RBFOX1: variants seen among roughly 807,000 people sequenced by gnomAD.
RBFOX1 encodes the protein RNA binding fox-1 homolog 1, also known as RNA binding protein fox-1 homolog 1.
Under a neutral mutation model 57.7 loss-of-function variants are expected in RBFOX1, and 8 were observed. That is an observed-to-expected ratio of 0.14 (90% CI 0.08 to 0.25). The LOEUF is 0.25. Ranked by LOEUF, RBFOX1 falls within the 10% of genes least tolerant of loss-of-function variation. RBFOX1 has a pLI of 1.00. For missense variants in RBFOX1, 611 were observed against 548.5 expected, an observed-to-expected ratio of 1.11 and a Z score of -1.14; for synonymous variants, 326 against 222.4, an observed-to-expected ratio of 1.47 and a Z score of -4.15.
At chr16:7,046,960 C>T (rs778351662) in intron 3 of RBFOX1, among the ~76,000 whole-genome samples, 2 of 151,656 alleles carry the variant, frequency 1.3e-5, no homozygotes, top group Admixed American at 6.6e-5. Context: ...GCTCTTCATG[C>T]ACTTCCCTCC....
At chr16:7,025,503 C>G (rs1321480962) in intron 3 of RBFOX1, among the ~76,000 whole-genome samples, 1 of 152,138 alleles carries the variant, frequency 6.6e-6, no homozygotes, top group East Asian at 1.9e-4. Flanking sequence ...TACCCAGCCC[C>G]TATGGAAGAT....
At chr16:5,993,376 TGTGTGTGTGA>T (rs1296710697) in intron 4 of RBFOX1, among the ~76,000 whole-genome samples, 2 of 29,248 alleles carry the variant, frequency 6.8e-5, no homozygotes, top group African/African-American at 2.3e-4. Flanking sequence ...TGTGTGTGTG[TGTGTGTGTGA>T]GAGAGAGAGA....
At chr16:5,431,836 A>G (rs965091818) in intron 1 of RBFOX1, among the ~76,000 whole-genome samples, 40 of 152,054 alleles carry the variant, frequency 2.6e-4, no homozygotes, top group African/African-American at 8.9e-4. Context: ...TTGTCCCCCT[A>G]ACATCCAAAA....
At chr16:5,303,321 C>A (rs1212586465) in intron 1 of RBFOX1, among the ~76,000 whole-genome samples, 2 of 152,196 alleles carry the variant, frequency 1.3e-5, no homozygotes, top group African/African-American at 2.4e-5. Context: ...ATGAGCTGCA[C>A]AGGCAGAGGA....
chr16:6,398,882 CTCTG>C (rs772456422), intron 2 of RBFOX1, among the ~76,000 whole-genome samples: 7 of 152,224 alleles, frequency 4.6e-5, no homozygotes, highest in Non-Finnish European at 1.0e-4. Context: ...TCCAGTGGGA[CTCTG>C]TCTGGGGGCT....
chr16:6,254,475 G>A (rs1314344819), intron 1 of RBFOX1, among the ~76,000 whole-genome samples: 1 of 152,160 alleles, frequency 6.6e-6, no homozygotes, highest in Non-Finnish European at 1.5e-5. Context: ...GAGTGCTTAA[G>A]GATATGGGAT....
At chr16:6,701,043 G>T (rs967748457) in intron 3 of RBFOX1, among the ~76,000 whole-genome samples, 58 of 151,034 alleles carry the variant, frequency 3.8e-4, no homozygotes, top group Non-Finnish European at 8.0e-4. Context: ...AGAGGGGGGG[G>T]TGAGTCAGAC....
intron 4 of RBFOX1, among the ~76,000 whole-genome samples, chr16:7,329,389 TTGCCATGAACCATG>T (rs1272041139): frequency 6.6e-6 from 1 of 152,142 alleles, no homozygotes; most frequent in Non-Finnish European, 1.5e-5. Context: ...AGCCCGACAT[TTGCCATGAACCATG>T]TGCACTGCCA....
chr16:6,637,274 A>G lies in RBFOX1; in HGVS notation c.-63-17329A>G, dbSNP rs868383942. Among the ~76,000 whole-genome samples the G allele has an allele frequency of 7.5e-3, 421 of 55,896 alleles. 65 individuals carry two copies. Among genetic ancestry groups the G allele is most frequent in the African/African-American group, 0.026 (265 of 10,124 alleles). The allele number at this position is 55,896 out of a possible 152,430, so 36.7% of individuals were successfully genotyped here. ...ATTATATAATATACAAATATATATT[A>G]TATATTATATATAATATATAATATA... On this transcript the variant is annotated intron_variant, in intron 2 of 15. Transcript: ENST00000550418.
At chr16:6,369,172 G>A (rs532870655) in intron 2 of RBFOX1, among the ~76,000 whole-genome samples, 2 of 152,244 alleles carry the variant, frequency 1.3e-5, no homozygotes, top group African/African-American at 4.8e-5. Flanking sequence ...ACTAACTTGG[G>A]CATAGGAAGC....
At chr16:6,812,477 G>C (rs747414831) in intron 3 of RBFOX1, among the ~76,000 whole-genome samples, 12 of 152,064 alleles carry the variant, frequency 7.9e-5, no homozygotes, top group Non-Finnish European at 1.5e-4. Flanking sequence ...GGGTTCAAGT[G>C]ATTCTCTTGC....
intron 3 of RBFOX1, among the ~76,000 whole-genome samples, chr16:6,693,222 A>G (rs368162741): frequency 6.7e-6 from 1 of 149,560 alleles, no homozygotes; most frequent in African/African-American, 2.5e-5. Context: ...CATCACCGTC[A>G]TCCTCCTCCA....
intron 2 of RBFOX1, among the ~76,000 whole-genome samples, chr16:6,616,729 C>G (rs1324662003): frequency 1.3e-5 from 2 of 152,136 alleles, no homozygotes; most frequent in East Asian, 3.9e-4. Context: ...GCCACCATGC[C>G]CGGCAATAAG....
At chr16:5,926,992 G>A (rs145495323) in intron 4 of RBFOX1, among the ~76,000 whole-genome samples, 2 of 152,140 alleles carry the variant, frequency 1.3e-5, no homozygotes, top group African/African-American at 4.8e-5. Context: ...CATCAAACCA[G>A]TGTCCCAAAA....
At chr16:6,711,762 C>T (rs530747506) in intron 3 of RBFOX1, among the ~76,000 whole-genome samples, 1 of 152,304 alleles carries the variant, frequency 6.6e-6, no homozygotes, top group South Asian at 2.1e-4. Context: ...CCTGTCTCAC[C>T]ACTCTCATTC....
At chr16:5,757,481 C>T (rs531460775) in intron 3 of RBFOX1, among the ~76,000 whole-genome samples, 1 of 152,210 alleles carries the variant, frequency 6.6e-6, no homozygotes, top group South Asian at 2.1e-4. Flanking sequence ...CTGCCCTCCT[C>T]AGCCTCCAAA....
intron 2 of RBFOX1, among the ~76,000 whole-genome samples, chr16:5,533,195 A>G (rs1268334081): frequency 3.3e-5 from 5 of 152,200 alleles, no homozygotes; most frequent in Non-Finnish European, 7.3e-5. Flanking sequence ...AATACTCTTT[A>G]TGCAGGCTAG....
chr16:5,707,807 C>A (rs1183752417), intron 3 of RBFOX1, among the ~76,000 whole-genome samples: 2 of 152,152 alleles, frequency 1.3e-5, no homozygotes, highest in East Asian at 1.9e-4. Context: ...TGCTAAGACA[C>A]TTGACAAAGA....
chr16:5,270,687 G>C, intron 1 of RBFOX1: 2 of 526,234 alleles, frequency 3.8e-6, no homozygotes, highest in South Asian at 3.4e-5. Flanking sequence ...TGGAAATCAT[G>C]ACCTGAGATG....
Sources: allele counts gnomAD v4.1 joint callset (sites outside exome capture counted in the v4.1 genomes callset), GRCh38; gene constraint gnomAD v4.1.1; transcripts MANE v1.5; gene names NCBI Gene and HGNC (gene_info 2026-07-23, HGNC 2026-07-21).